PXDNL: variants seen among roughly 807,000 people sequenced by gnomAD.
The protein encoded by PXDNL is peroxidasin like.
PXDNL carries 145 observed loss-of-function variants against 150.8 expected under a neutral mutation model. The observed-to-expected ratio is 0.96, with a 90% CI of 0.84 to 1.10. PXDNL has a LOEUF of 1.10. Ranked by LOEUF, PXDNL falls within the 50% of genes least tolerant of loss-of-function variation. The probability of loss-of-function intolerance (pLI) is 0.00; values close to 1 mark genes in which losing one functional copy is unlikely to be tolerated. For missense variants in PXDNL, 2,087 were observed against 1,873.9 expected, an observed-to-expected ratio of 1.11 and a Z score of -2.10; for synonymous variants, 757 against 725.7, an observed-to-expected ratio of 1.04 and a Z score of -0.69.
chr8:51,760,845 C>CTT lies in PXDNL; in HGVS notation c.164+48334_164+48335dup, dbSNP rs71237237. Among the ~76,000 whole-genome samples, 120 of 45,482 alleles carry CTT rather than the reference C, an allele frequency of 2.6e-3. 29 individuals are homozygous for CTT. The highest frequency in any genetic ancestry group is 7.6e-3 in the African/African-American group (85 of 11,206). 29.8% of individuals were successfully genotyped at this position (45,482 alleles called of 152,430 possible). A position where few individuals can be genotyped will look rare whatever the true frequency, so the allele number is the denominator to read the frequency against. On this transcript the variant is annotated intron_variant, in intron 1 of 22. Transcript: ENST00000356297. ...GTTAGCCTGAAGGAAATCACTTAAA[C>CTT]TTTTTTTTTTTTTTTTTTTTTTTTT...
intron 19 of PXDNL, 124 bp downstream of exon 19, chr8:51,371,749 A>C (rs1193987362): frequency 5.7e-6 from 5 of 880,488 alleles, no homozygotes; most frequent in Non-Finnish European, 8.7e-6. Flanking sequence ...TCCAAAAGGA[A>C]AGTTCTGTGT....
At chr8:51,526,656 T>C (rs1477925321) in intron 4 of PXDNL, among the ~76,000 whole-genome samples, 1 of 152,172 alleles carries the variant, frequency 6.6e-6, no homozygotes, top group Non-Finnish European at 1.5e-5. Context: ...AACACATCCC[T>C]CTGATCGAAT....
intron 2 of PXDNL, among the ~76,000 whole-genome samples, chr8:51,636,583 T>C (rs1585636744): frequency 6.6e-6 from 1 of 152,208 alleles, no homozygotes; most frequent in African/African-American, 2.4e-5. Context: ...AAGAAAACAA[T>C]TATACTTATC....
chr8:51,376,208 A>T (rs1211702596), intron 17 of PXDNL, among the ~76,000 whole-genome samples: 6 of 152,266 alleles, frequency 3.9e-5, no homozygotes, highest in Non-Finnish European at 5.9e-5. Context: ...TACAATTCAT[A>T]CATCCACAAG....
intron 2 of PXDNL, among the ~76,000 whole-genome samples, chr8:51,601,115 T>G (rs1813711887): frequency 6.6e-6 from 1 of 151,176 alleles, no homozygotes; most frequent in Admixed American, 6.6e-5. Flanking sequence ...CTTTTAAAAT[T>G]TATTGATACT....
rs114434794 is a variant in PXDNL at position 51,381,554 on chromosome 8, A to C, written c.3558-6823T>G. Among the ~76,000 whole-genome samples, 1,018 of 152,250 alleles carry C rather than the reference A, an allele frequency of 6.7e-3. 13 individuals are homozygous for C. The highest frequency in any genetic ancestry group is 0.023 in the African/African-American group (975 of 41,540). On this transcript the variant is annotated intron_variant, in intron 17 of 22. Coordinates refer to ENST00000356297, the MANE Select transcript of PXDNL (RefSeq NM_144651.5). ...TATGGTAATACTATTTGGAGGTAGG[A>C]TCTTTGCTGATGTGATCAAGTTAAG...
chr8:51,638,436 G>T (rs1030163885), intron 2 of PXDNL, among the ~76,000 whole-genome samples: 8 of 152,154 alleles, frequency 5.3e-5, no homozygotes, highest in Non-Finnish European at 8.8e-5. Flanking sequence ...ACCCATCAGT[G>T]TGCTGTATTC....
intron 3 of PXDNL, among the ~76,000 whole-genome samples, chr8:51,578,038 G>A (rs1209452259): frequency 8.1e-6 from 1 of 123,780 alleles, no homozygotes; most frequent in African/African-American, 3.7e-5. Flanking sequence ...AGGAAGGAAG[G>A]AAGGAAGGAA....
At chr8:51,344,618 A>G (rs766084451) in intron 20 of PXDNL, among the ~76,000 whole-genome samples, 1 of 152,216 alleles carries the variant, frequency 6.6e-6, no homozygotes, top group Non-Finnish European at 1.5e-5. Flanking sequence ...TACTCATATA[A>G]GCACTTTCGT....
intron 4 of PXDNL, among the ~76,000 whole-genome samples, chr8:51,541,515 C>T (rs940948569): frequency 1.3e-5 from 2 of 152,068 alleles, no homozygotes; most frequent in Non-Finnish European, 2.9e-5. Flanking sequence ...GTTTTTGGCC[C>T]AGGAATTTTT....
At chr8:51,779,288 G>C (rs1166476559) in intron 1 of PXDNL, among the ~76,000 whole-genome samples, 1 of 152,218 alleles carries the variant, frequency 6.6e-6, no homozygotes, top group Admixed American at 6.5e-5. Context: ...CTGTGTGCAA[G>C]GGAAGGCCAC....
chr8:51,716,134 C>T (rs1816611877), intron 1 of PXDNL, among the ~76,000 whole-genome samples: 1 of 152,206 alleles, frequency 6.6e-6, no homozygotes, highest in Non-Finnish European at 1.5e-5. Context: ...CGGAGAGATT[C>T]AGTCATTCGT....
chr8:51,358,969 G>A (rs924557157), intron 19 of PXDNL, among the ~76,000 whole-genome samples: 3 of 152,192 alleles, frequency 2.0e-5, no homozygotes, highest in East Asian at 3.9e-4. Flanking sequence ...ATTTCTGGCC[G>A]AGAGCTTCTG....
intron 15 of PXDNL, among the ~76,000 whole-genome samples, chr8:51,411,683 G>A (rs548026297): frequency 6.6e-6 from 1 of 152,186 alleles, no homozygotes; most frequent in African/African-American, 2.4e-5. Flanking sequence ...TCTATGGTGG[G>A]GTTCTAAACT....
In PXDNL at chr8:51,350,354, C is replaced by CT. The variant is rs1163628780; in HGVS notation, c.3902-4408dup. Among the ~76,000 whole-genome samples the CT allele has an allele frequency of 8.3e-3, 644 of 77,880 alleles. 19 individuals are homozygous for CT. Among genetic ancestry groups the CT allele is most frequent in the African/African-American group, 0.018 (337 of 19,152 alleles). 51.1% of individuals were successfully genotyped at this position (77,880 alleles called of 152,430 possible). On this transcript the variant is annotated intron_variant, in intron 19 of 22. Transcript: ENST00000356297. ...AGTCTTTTATTAGCAAATGCAGCTT[C>CT]TTTTTTTTTTTTTTTTTTTTTTGAG...
At chr8:51,670,101 G>C (rs1382546113) in intron 1 of PXDNL, among the ~76,000 whole-genome samples, 1 of 152,104 alleles carries the variant, frequency 6.6e-6, no homozygotes, top group East Asian at 1.9e-4. Context: ...AGCCGGTTGT[G>C]GTGGTGCATG....
At chr8:51,331,939 G>T (rs1805702453) in intron 21 of PXDNL, among the ~76,000 whole-genome samples, 1 of 149,130 alleles carries the variant, frequency 6.7e-6, no homozygotes, top group South Asian at 2.2e-4. Flanking sequence ...ATATAATCTT[G>T]GTAGTTCTAG....
At chr8:51,359,355 G>C (rs939305502) in intron 19 of PXDNL, among the ~76,000 whole-genome samples, 7 of 152,218 alleles carry the variant, frequency 4.6e-5, no homozygotes, top group Non-Finnish European at 1.0e-4. Flanking sequence ...CAGATGATCA[G>C]ATGATGTTGG....
In PXDNL at chr8:51,457,593, C is replaced by G; in HGVS notation, c.887G>C (p.Arg296Thr). 6.2e-7 allele frequency: 1 copy of G among 1,613,832 alleles called. No homozygotes were observed. The highest frequency in any genetic ancestry group is 1.3e-5 in the African/African-American group (1 of 75,024). Reference protein sequence around the residue: ...DDGTLMIRNTRESDQGVYQCM... With the variant: ...DDGTLMIRNTTESDQGVYQCM... ...CTGATAGACACCTTGGTCTGACTCT[C>G]TGGTGTTTCGGATCATGAGTGTGCC... is the stretch of plus-strand genomic sequence containing the variant. The change falls in exon 9 of 23, where the codon AGA (arginine) becomes ACA (threonine). Residue 296 changes from arginine (R) to threonine (T), a missense_variant. Transcript: ENST00000356297.
Sources: allele counts gnomAD v4.1 joint callset (sites outside exome capture counted in the v4.1 genomes callset), GRCh38; gene constraint gnomAD v4.1.1; transcripts MANE v1.5; gene names NCBI Gene and HGNC (gene_info 2026-07-23, HGNC 2026-07-21).